DDX10: variants seen among roughly 807,000 people sequenced by gnomAD.
DDX10 encodes DEAD-box helicase 10.
DDX10 carries 74 observed loss-of-function variants against 104.3 expected under a neutral mutation model. The observed-to-expected ratio is 0.71, with a 90% CI of 0.59 to 0.86. DDX10 has a LOEUF of 0.86. DDX10 is among the 40% of genes least tolerant of loss of function. The pLI, the probability that DDX10 is intolerant of heterozygous loss-of-function variation, is 0.00. For missense variants in DDX10, 952 were observed against 1,040.0 expected, an observed-to-expected ratio of 0.92 and a Z score of 1.16; for synonymous variants, 351 against 353.4, an observed-to-expected ratio of 0.99 and a Z score of 0.08.
intron 9 of DDX10, among the ~76,000 whole-genome samples, chr11:108,694,738 A>G (rs2094257339): frequency 6.6e-6 from 1 of 152,102 alleles, no homozygotes; most frequent in Non-Finnish European, 1.5e-5. Context: ...AAAATCAGCC[A>G]GGAGTGGTGG....
chr11:108,777,601 G>C (rs1196001947), intron 13 of DDX10, among the ~76,000 whole-genome samples: 1 of 152,198 alleles, frequency 6.6e-6, no homozygotes, highest in Admixed American at 6.5e-5. Flanking sequence ...GGGATTACAG[G>C]TGTGAGCCAC....
At chr11:108,728,890 G>A (rs1347913951) in intron 13 of DDX10, among the ~76,000 whole-genome samples, 1 of 151,990 alleles carries the variant, frequency 6.6e-6, no homozygotes, top group South Asian at 2.1e-4. Context: ...AAGTGTCTTC[G>A]CAAATATTTT....
chr11:108,927,538 C>T (rs1276828627), intron 17 of DDX10, among the ~76,000 whole-genome samples: 1 of 152,182 alleles, frequency 6.6e-6, no homozygotes, highest in Non-Finnish European at 1.5e-5. Context: ...TTCTATAAGG[C>T]ACTGCATCCA....
intron 13 of DDX10, among the ~76,000 whole-genome samples, chr11:108,789,798 G>A (rs1411406940): frequency 6.6e-6 from 1 of 152,198 alleles, no homozygotes; most frequent in East Asian, 1.9e-4. Flanking sequence ...TGGATGAAAG[G>A]AAATTCTAGG....
chr11:108,913,007 A>G (rs570308938), intron 16 of DDX10, among the ~76,000 whole-genome samples: 13 of 152,280 alleles, frequency 8.5e-5, no homozygotes, highest in Non-Finnish European at 1.5e-4. Flanking sequence ...GATATTTCAG[A>G]GAATATTTGA....
intron 17 of DDX10, among the ~76,000 whole-genome samples, chr11:108,923,578 T>C (rs1391073874): frequency 6.6e-6 from 1 of 152,198 alleles, no homozygotes; most frequent in East Asian, 1.9e-4. Flanking sequence ...CAGGCATGGA[T>C]CCAGAAGATA....
chr11:108,904,100 AAT>A (rs1421473548), intron 16 of DDX10, among the ~76,000 whole-genome samples: 1 of 152,054 alleles, frequency 6.6e-6, no homozygotes, highest in Non-Finnish European at 1.5e-5. Context: ...AGAGAAAAAA[AAT>A]TTTTTTTACT....
chr11:108,718,532 C>G lies in DDX10; in HGVS notation c.1411-1265C>G, dbSNP rs184775155. 4.3e-4 allele frequency among the ~76,000 whole-genome samples: 66 copies of G among 152,300 alleles called. 1 individual carries two copies. The highest frequency in any genetic ancestry group is 1.5e-3 in the Admixed American group (23 of 15,298). On this transcript the variant is annotated intron_variant, in intron 11 of 17. Coordinates refer to ENST00000322536, the MANE Select transcript of DDX10 (RefSeq NM_004398.4). Reference sequence around the variant, plus strand: ...ATTAATTTTGGTATGTCATGACTTACTGCATGCCTAAGAGGTCATTCAGTT... The same window carrying G: ...ATTAATTTTGGTATGTCATGACTTAGTGCATGCCTAAGAGGTCATTCAGTT...
intron 8 of DDX10, among the ~76,000 whole-genome samples, chr11:108,692,246 T>C (rs1236704076): frequency 6.6e-6 from 1 of 152,206 alleles, no homozygotes; most frequent in Non-Finnish European, 1.5e-5. Flanking sequence ...TTTTTTACTA[T>C]TTCATGATAA....
At chr11:108,840,827 A>G (rs1862626898) in intron 14 of DDX10, among the ~76,000 whole-genome samples, 2 of 152,244 alleles carry the variant, frequency 1.3e-5, no homozygotes, top group Admixed American at 1.3e-4. Context: ...AAGACATACA[A>G]CTGCCCTCAA....
chr11:108,717,457 G>A (rs2094292970), intron 11 of DDX10, among the ~76,000 whole-genome samples: 1 of 152,058 alleles, frequency 6.6e-6, no homozygotes, highest in Non-Finnish European at 1.5e-5. Flanking sequence ...TTACAGGCAT[G>A]CGCCACCACA....
intron 16 of DDX10, among the ~76,000 whole-genome samples, chr11:108,917,618 A>G (rs576083877): frequency 6.6e-6 from 1 of 152,144 alleles, no homozygotes; most frequent in South Asian, 2.1e-4. Context: ...AAAATAGACA[A>G]TTTTCTCCTG....
intron 13 of DDX10, among the ~76,000 whole-genome samples, chr11:108,791,901 G>C (rs1861876221): frequency 6.6e-6 from 1 of 152,134 alleles, no homozygotes; most frequent in Admixed American, 6.5e-5. Context: ...ATTTGACTTT[G>C]CCAGCAGTGT....
At chr11:108,668,559 A>C (rs972395911) in intron 1 of DDX10, among the ~76,000 whole-genome samples, 2 of 152,314 alleles carry the variant, frequency 1.3e-5, no homozygotes, top group East Asian at 1.9e-4. Context: ...GGCCCTCACT[A>C]TGTGGCTCCT....
At chr11:108,880,488 T>C (rs1369007458) in intron 16 of DDX10, among the ~76,000 whole-genome samples, 1 of 152,178 alleles carries the variant, frequency 6.6e-6, no homozygotes, top group Non-Finnish European at 1.5e-5. Flanking sequence ...CATCTTAATC[T>C]CTGAAGGGCC....
intron 16 of DDX10, among the ~76,000 whole-genome samples, chr11:108,862,092 CACTGTA>C (rs1239494249): frequency 1.7e-4 from 26 of 152,184 alleles, no homozygotes; most frequent in Admixed American, 1.5e-3. Flanking sequence ...TATCATAGCT[CACTGTA>C]ACCTTGACCG....
At chr11:108,898,525 C>T (rs1439441100) in intron 16 of DDX10, among the ~76,000 whole-genome samples, 2 of 151,952 alleles carry the variant, frequency 1.3e-5, no homozygotes, top group Admixed American at 6.6e-5. Flanking sequence ...CACAGAAAGA[C>T]AGAGACAGCT....
At chr11:108,672,202 G>C (rs1251365079) in intron 1 of DDX10, among the ~76,000 whole-genome samples, 1 of 151,956 alleles carries the variant, frequency 6.6e-6, no homozygotes, top group Non-Finnish European at 1.5e-5. Context: ...TAGATGTGCT[G>C]TGCAATGTTT....
At chr11:108,751,775 T>C (rs1276125936) in intron 13 of DDX10, among the ~76,000 whole-genome samples, 4 of 152,246 alleles carry the variant, frequency 2.6e-5, no homozygotes, top group Non-Finnish European at 5.9e-5. Flanking sequence ...TATCTTTCTG[T>C]TATTACATTT....
Sources: allele counts gnomAD v4.1 joint callset (sites outside exome capture counted in the v4.1 genomes callset), GRCh38; gene constraint gnomAD v4.1.1; transcripts MANE v1.5; gene names NCBI Gene and HGNC (gene_info 2026-07-23, HGNC 2026-07-21).